The following LRP1B variants were observed in gnomAD, a reference collection of about 807,000 sequenced individuals.
LRP1B encodes LDL receptor related protein 1B.
LRP1B carries 217 observed loss-of-function variants against 556.6 expected under a neutral mutation model. The observed-to-expected ratio is 0.39, with a 90% CI of 0.35 to 0.44. The LOEUF (loss-of-function observed/expected upper bound fraction) is 0.44, where lower values mean the gene tolerates loss of function less well. Among genes scored for constraint, LRP1B ranks in the 20% least tolerant of loss-of-function variants. LRP1B has a pLI of 1.00. For missense variants in LRP1B, 5,053 were observed against 5,620.8 expected, an observed-to-expected ratio of 0.90 and a Z score of 3.23; for synonymous variants, 2,047 against 1,865.8, an observed-to-expected ratio of 1.10 and a Z score of -2.50.
chr2:141,406,460 A>G (rs1032288035), intron 3 of LRP1B, among the ~76,000 whole-genome samples: 2 of 152,064 alleles, frequency 1.3e-5, no homozygotes, highest in African/African-American at 4.8e-5. Flanking sequence ...GAATTTTTTA[A>G]TACTTCCATG....
chr2:140,986,317 A>C (rs1452177314), intron 17 of LRP1B, among the ~76,000 whole-genome samples: 6 of 152,114 alleles, frequency 3.9e-5, no homozygotes, highest in Admixed American at 3.9e-4. Flanking sequence ...AGACAATGAA[A>C]ATTTTTATTC....
intron 35 of LRP1B, among the ~76,000 whole-genome samples, chr2:140,724,213 A>G (rs1464267218): frequency 2.0e-5 from 3 of 152,228 alleles, no homozygotes; most frequent in Non-Finnish European, 4.4e-5. Context: ...GTCTGGGCAC[A>G]GTGGCTCAAG....
chr2:141,448,231 T>C (rs1422231157), intron 3 of LRP1B, among the ~76,000 whole-genome samples: 8 of 152,162 alleles, frequency 5.3e-5, no homozygotes, highest in Non-Finnish European at 1.2e-4. Context: ...GAAAACCATC[T>C]ACTCAAGCCT....
At chr2:141,797,374 CAG>C (rs1190766505) in intron 2 of LRP1B, among the ~76,000 whole-genome samples, 1 of 151,354 alleles carries the variant, frequency 6.6e-6, no homozygotes, top group Non-Finnish European at 1.5e-5. Flanking sequence ...ATGAGGGAAA[CAG>C]AGTATTTGTT....
At chr2:141,185,923 A>G (rs1681229906) in intron 7 of LRP1B, among the ~76,000 whole-genome samples, 1 of 151,648 alleles carries the variant, frequency 6.6e-6, no homozygotes, top group Non-Finnish European at 1.5e-5. Flanking sequence ...TACTAAAAAT[A>G]CAAAAATTAG....
intron 41 of LRP1B, among the ~76,000 whole-genome samples, chr2:140,608,831 T>A: frequency 7.9e-6 from 1 of 126,112 alleles, no homozygotes; most frequent in Non-Finnish European, 1.7e-5. Flanking sequence ...GATTTGTTTC[T>A]TTGTTTGTTT....
At chr2:141,738,719 C>T (rs956291787) in intron 2 of LRP1B, among the ~76,000 whole-genome samples, 3 of 152,014 alleles carry the variant, frequency 2.0e-5, no homozygotes, top group Non-Finnish European at 2.9e-5. Context: ...TGTGTTTTGT[C>T]GCTTGATAAG....
intron 41 of LRP1B, among the ~76,000 whole-genome samples, chr2:140,629,435 T>C (rs188035499): frequency 5.3e-5 from 8 of 152,148 alleles, no homozygotes; most frequent in Non-Finnish European, 1.0e-4. Context: ...ATTCAAAAAG[T>C]CTACTTCTAG....
intron 3 of LRP1B, among the ~76,000 whole-genome samples, chr2:141,294,296 T>A (rs1407206227): frequency 6.6e-6 from 1 of 152,172 alleles, no homozygotes; most frequent in African/African-American, 2.4e-5. Flanking sequence ...AAAATATACT[T>A]TGGATTAGTA....
Position 141,978,902 on chromosome 2 carries a change from G to A in LRP1B, c.82+151746C>T, listed in dbSNP as rs183783334. Among the ~76,000 whole-genome samples the A allele has an allele frequency of 2.3e-3, 350 of 151,756 alleles. 5 individuals carry two copies. The highest frequency in any genetic ancestry group is 7.9e-3 in the African/African-American group (327 of 41,440). On this transcript the variant is annotated intron_variant, in intron 1 of 90. Transcript: ENST00000389484. ...AACATGATTCTGACAGAAGAAATTG[G>A]GTGAAAGAAAAAAATGAAGAGAATA...
intron 3 of LRP1B, among the ~76,000 whole-genome samples, chr2:141,307,742 C>T (rs1209364828): frequency 1.3e-5 from 2 of 152,106 alleles, no homozygotes; most frequent in Non-Finnish European, 2.9e-5. Context: ...GCTTGAGAGC[C>T]AGAGCAGCAT....
chr2:140,323,789 G>A lies in LRP1B; in HGVS notation c.12514+104C>T, dbSNP rs376587387. 4.2e-5 allele frequency: 23 copies of A among 547,350 alleles called. No homozygotes were observed. In the East Asian group the frequency reaches 5.7e-4, roughly 14 times the overall value. The allele number at this position is 547,350 out of a possible 1,614,324, so 33.9% of individuals were successfully genotyped here. The stretch of plus-strand genomic sequence containing the variant: ...AAATTAAAGTTACTTAAGTTACTGA[G>A]GTTAAGACATTTACATAGTTAAGAT... On this transcript the variant is annotated intron_variant, in intron 81 of 90. Coordinates refer to ENST00000389484, the MANE Select transcript of LRP1B (RefSeq NM_018557.3).
chr2:140,555,593 G>A (rs1033731339), intron 43 of LRP1B, among the ~76,000 whole-genome samples: 2 of 151,978 alleles, frequency 1.3e-5, no homozygotes, highest in Middle Eastern at 3.2e-3. Flanking sequence ...AATATTGTAG[G>A]AGTTAAATAA....
intron 7 of LRP1B, among the ~76,000 whole-genome samples, chr2:141,157,203 A>G (rs1001929177): frequency 6.6e-6 from 1 of 152,148 alleles, no homozygotes; most frequent in Non-Finnish European, 1.5e-5. Context: ...AAACATAGGA[A>G]TATAAAAGTT....
rs1008099211 is a variant in LRP1B, at chr2:140,994,781, G to A, written c.2504-646C>T. 2.0e-5 allele frequency among the ~76,000 whole-genome samples: 3 copies of A among 151,916 alleles called. No individual in the cohort carries two copies. The East Asian group carries it at 5.8e-4, about 29-fold the overall frequency. On this transcript the variant is annotated intron_variant, in intron 15 of 90. Transcript: ENST00000389484. ...TTACATACTTTAAATTCAAAAATAT[G>A]TGATACTCATAAAGTTTACTATAAT...
At chr2:141,428,612 C>T (rs1483426850) in intron 3 of LRP1B, among the ~76,000 whole-genome samples, 2 of 152,106 alleles carry the variant, frequency 1.3e-5, no homozygotes, top group African/African-American at 2.4e-5. Context: ...TTCTGCTCCT[C>T]AGAGGTTCAG....
rs945390236 is a variant in LRP1B at position 140,506,931 on chromosome 2, T to A, written c.8399-13A>T. ...GTATTATTGGGAGCTAAGAAAGGCATCACAAAAAATAAAGTTAGATGAGCA... is the reference window on the plus strand; with the variant it reads ...GTATTATTGGGAGCTAAGAAAGGCAACACAAAAAATAAAGTTAGATGAGCA... On this transcript the variant is annotated splice_polypyrimidine_tract_variant and intron_variant, in intron 52 of 90. Transcript: ENST00000389484. 1 of 1,612,166 alleles carries A rather than the reference T, an allele frequency of 6.2e-7. No individual in the cohort carries two copies. The highest frequency in any genetic ancestry group is 1.7e-5 in the Admixed American group (1 of 59,658).
intron 1 of LRP1B, among the ~76,000 whole-genome samples, chr2:141,922,959 C>T (rs998880030): frequency 1.3e-5 from 2 of 151,700 alleles, no homozygotes; most frequent in African/African-American, 2.4e-5. Flanking sequence ...ATTATCTGGG[C>T]GTAGTGGTGC....
chr2:141,271,383 A>G (rs1380280695), intron 3 of LRP1B, among the ~76,000 whole-genome samples: 1 of 151,868 alleles, frequency 6.6e-6, no homozygotes, highest in Non-Finnish European at 1.5e-5. Context: ...AAAAAAATCA[A>G]CACAACCAAG....
Sources: allele counts gnomAD v4.1 joint callset (sites outside exome capture counted in the v4.1 genomes callset), GRCh38; gene constraint gnomAD v4.1.1; transcripts MANE v1.5; gene names NCBI Gene and HGNC (gene_info 2026-07-23, HGNC 2026-07-21).